Variants in TNMD observed in about 807,000 individuals in gnomAD.
The protein encoded by TNMD is BRICHOS domain containing 4.
Under a neutral mutation model 26.9 loss-of-function variants are expected in TNMD, and 15 were observed. The ratio of observed to expected loss-of-function variants is 0.56; its 90% CI spans 0.37 to 0.86. The LOEUF is 0.86. TNMD is among the 40% of genes least tolerant of loss of function. TNMD has a pLI of 0.00. For missense variants in TNMD, 222 were observed against 242.6 expected (o/e 0.92, Z 0.56); for synonymous variants, 73 against 77.0 (o/e 0.95, Z 0.27).
At chrX:100,598,267 G>A (rs756755509) in intron 5 of TNMD, among the ~76,000 whole-genome samples, 1 of 111,280 alleles carries the variant, frequency 9.0e-6, no homozygotes, top group East Asian at 2.8e-4. Context: ...CCCTCATTCT[G>A]CACAGCATAG....
intron 2 of TNMD, among the ~76,000 whole-genome samples, chrX:100,587,606 C>T (rs893449674): frequency 1.8e-5 from 2 of 111,789 alleles, no homozygotes; most frequent in Non-Finnish European, 3.8e-5. Context: ...CTTCATAAGA[C>T]CAGGTTTGGT....
intron 2 of TNMD, among the ~76,000 whole-genome samples, chrX:100,588,441 C>T (rs1358862500): frequency 9.0e-6 from 1 of 111,375 alleles, no homozygotes; most frequent in Non-Finnish European, 1.9e-5. Context: ...ATACAGGAGC[C>T]ACCTGAGCTA....
chrX:100,599,659 T>A lies in TNMD; in HGVS notation c.896T>A (p.Ile299Asn). The A allele has an allele frequency of 8.3e-7, 1 of 1,211,745 alleles. No homozygotes were observed. The highest frequency in any genetic ancestry group is 1.8e-5 in the South Asian group (1 of 56,936). ...YPYCYQGGRV[I>N]CRVIMPCNWW... ...TACTGCTACCAAGGAGGACGAGTCA[T>A]CTGTCGTGTCATCATGCCTTGTAAC... Residue 299 changes from isoleucine (I) to asparagine (N), a missense_variant, in exon 7 of 7, where the codon ATC becomes AAC. Coordinates refer to ENST00000373031, the MANE Select transcript of TNMD (RefSeq NM_022144.3).
chrX:100,593,197 T>C (rs1046243807), intron 2 of TNMD: 1 of 230,503 alleles, frequency 4.3e-6, no homozygotes. Flanking sequence ...AGGCTCCATG[T>C]TACTTAATGC....
intron 2 of TNMD, among the ~76,000 whole-genome samples, chrX:100,592,754 A>G (rs1308116648): frequency 1.8e-5 from 2 of 112,410 alleles, no homozygotes; most frequent in Non-Finnish European, 1.9e-5. Flanking sequence ...CTAAAAAATG[A>G]CCCAACCTGG....
Position 100,599,140 on chromosome X carries a change from C to T in TNMD, c.702C>T (p.His234=), listed in dbSNP as rs1180050291. The T allele has an allele frequency of 5.0e-6, 6 of 1,200,174 alleles. No individual in the cohort carries two copies. The highest frequency in any genetic ancestry group is 5.6e-6 in the Non-Finnish European group (5 of 890,572). The change falls in exon 6 of 7, where the codon CAC becomes CAT. Residue 234 remains histidine (H), a synonymous_variant. Transcript: ENST00000373031. ...VPQVKVEKTR[H]ARQASEEELP... is the part of the protein sequence containing the mutation. ...AAGTGAAAGTAGAGAAGACCCGTCA[C>T]GCCAGACAAGCAAGTGAGGAAGAAC...
intron 6 of TNMD, 109 bp downstream of exon 6, chrX:100,599,291 CAAA>C (rs58182382): frequency 0.022 from 13,627 of 606,471 alleles, 73 homozygotes; most frequent in South Asian, 0.027. Flanking sequence ...ATGGCTTTAA[CAAA>C]AAAAAAAAAA....
chrX:100,596,372 T>A (rs2147609727), intron 4 of TNMD, among the ~76,000 whole-genome samples: 1 of 112,019 alleles, frequency 8.9e-6, no homozygotes, highest in South Asian at 3.7e-4. Flanking sequence ...AGGCAAAGGC[T>A]CATAATGTCT....
Position 100,599,583 on chromosome X carries a change from C to T in TNMD, c.820C>T (p.Arg274Cys). Reference protein sequence around the residue: ...YCCIYCRRGNRYCRRVCEPLL... With the variant: ...YCCIYCRRGNCYCRRVCEPLL... ...TTGTATTTACTGCCGTCGAGGCAAC[C>T]GCTATTGCCGCCGCGTCTGTGAACC... The change falls in exon 7 of 7, where the codon CGC (arginine) becomes TGC (cysteine). Residue 274 changes from arginine (R) to cysteine (C), a missense_variant. Arg to Cys is a radical substitution (Grantham distance 180). Transcript: ENST00000373031. The T allele has an allele frequency of 5.8e-6, 7 of 1,210,469 alleles. No homozygotes were observed. The highest frequency in any genetic ancestry group is 7.8e-6 in the Non-Finnish European group (7 of 894,865).
intron 2 of TNMD, among the ~76,000 whole-genome samples, chrX:100,593,043 G>T (rs955038021): frequency 1.8e-5 from 2 of 111,836 alleles, no homozygotes; most frequent in Non-Finnish European, 3.8e-5. Context: ...TAAGTTATGG[G>T]CTTACTCCTA....
intron 4 of TNMD, among the ~76,000 whole-genome samples, chrX:100,596,529 T>C (rs1482771121): frequency 9.0e-6 from 1 of 111,224 alleles, no homozygotes; most frequent in Non-Finnish European, 1.9e-5. Flanking sequence ...TGAGACAAAT[T>C]TGTGGTCCTG....
intron 2 of TNMD, chrX:100,593,262 T>C (rs1569342956): frequency 3.0e-6 from 2 of 675,437 alleles, no homozygotes; most frequent in African/African-American, 2.4e-5. Context: ...TCCGTAGAAC[T>C]TGAAAACAAC....
intron 2 of TNMD, among the ~76,000 whole-genome samples, chrX:100,589,966 C>G (rs1044218615): frequency 5.4e-5 from 6 of 111,416 alleles, no homozygotes; most frequent in Admixed American, 2.8e-4. Context: ...ACTTACTGGT[C>G]AGCTCAAGTC....
intron 2 of TNMD, among the ~76,000 whole-genome samples, chrX:100,592,067 A>C (rs932116410): frequency 9.0e-6 from 1 of 111,317 alleles, no homozygotes; most frequent in Non-Finnish European, 1.9e-5. Context: ...CCATACAATA[A>C]TCCATCAGTG....
chrX:100,595,547 C>T (rs1207460983), intron 4 of TNMD, among the ~76,000 whole-genome samples: 6 of 110,458 alleles, frequency 5.4e-5, no homozygotes, highest in Non-Finnish European at 1.1e-4. Context: ...ACCCATTTAT[C>T]TTTTCCTTTA....
intron 2 of TNMD, among the ~76,000 whole-genome samples, chrX:100,590,348 C>G (rs2082933711): frequency 8.9e-6 from 1 of 112,072 alleles, no homozygotes; most frequent in Non-Finnish European, 1.9e-5. Flanking sequence ...CAAATGTCCT[C>G]AAATCCCTGT....
intron 2 of TNMD, among the ~76,000 whole-genome samples, chrX:100,589,553 C>G (rs1044269511): frequency 3.6e-5 from 4 of 110,422 alleles, no homozygotes; most frequent in African/African-American, 1.3e-4. Context: ...TCTTCATTCT[C>G]CTAAGGCAGC....
intron 6 of TNMD, 141 bp from the exon 7 acceptor site, chrX:100,599,367 T>C (rs761344444): frequency 7.3e-5 from 46 of 626,063 alleles, no homozygotes; most frequent in Non-Finnish European, 1.1e-4. Flanking sequence ...TCTGTAGATA[T>C]ATCTCCATGA....
chrX:100,593,777 G>T, intron 2 of TNMD, 118 bp from the exon 3 acceptor site: 1 of 763,331 alleles, frequency 1.3e-6, no homozygotes, highest in Non-Finnish European at 1.9e-6. Flanking sequence ...TCAGCAGCTT[G>T]GCTTGAATTC....
Sources: allele counts gnomAD v4.1 joint callset (sites outside exome capture counted in the v4.1 genomes callset), GRCh38; gene constraint gnomAD v4.1.1; transcripts MANE v1.5; gene names NCBI Gene and HGNC (gene_info 2026-07-23, HGNC 2026-07-21).